HTR1F: variants seen among roughly 807,000 people sequenced by gnomAD.
The protein encoded by HTR1F is 5-hydroxytryptamine (serotonin) receptor 1F, G protein-coupled.
Under a neutral mutation model 24.0 loss-of-function variants are expected in HTR1F, and 17 were observed. That is an observed-to-expected ratio of 0.71 (90% CI 0.48 to 1.06). The LOEUF (loss-of-function observed/expected upper bound fraction) is 1.06, where lower values mean the gene tolerates loss of function less well. Among genes scored for constraint, HTR1F ranks in the 50% least tolerant of loss-of-function variants. The pLI is 0.00. For synonymous variants in HTR1F, 186 were observed against 156.8 expected, an observed-to-expected ratio of 1.19 and a Z score of -1.39; for missense variants, 391 against 427.8, an observed-to-expected ratio of 0.91 and a Z score of 0.76.
intron 2 of HTR1F, among the ~76,000 whole-genome samples, chr3:87,878,234 G>C (rs937905540): frequency 2.6e-5 from 4 of 152,122 alleles, no homozygotes; most frequent in Non-Finnish European, 5.9e-5. Context: ...CACAACTTCA[G>C]ACCATTTATG....
chr3:87,917,954 A>G (rs1703931784), intron 2 of HTR1F, among the ~76,000 whole-genome samples: 1 of 152,050 alleles, frequency 6.6e-6, no homozygotes, highest in Non-Finnish European at 1.5e-5. Flanking sequence ...TGATGAACGT[A>G]GATGCTAAAA....
chr3:87,930,892 C>T (rs1704247506), intron 2 of HTR1F, among the ~76,000 whole-genome samples: 1 of 152,110 alleles, frequency 6.6e-6, no homozygotes, highest in Non-Finnish European at 1.5e-5. Flanking sequence ...TTTACAAGAA[C>T]AGAATTATAT....
intron 2 of HTR1F, among the ~76,000 whole-genome samples, chr3:87,841,423 C>A (rs1704799991): frequency 6.6e-6 from 1 of 151,860 alleles, no homozygotes; most frequent in Admixed American, 6.6e-5. Context: ...CTTACGATTG[C>A]ATTATATGTT....
Position 87,961,588 on chromosome 3 carries a change from C to T in HTR1F, c.-42-29120C>T, listed in dbSNP as rs558680747. Among the ~76,000 whole-genome samples the T allele has an allele frequency of 3.3e-5, 5 of 151,584 alleles. No individual in the cohort carries two copies. In the South Asian group the frequency reaches 8.4e-4, roughly 25 times the overall value. ...ACCAGCCTGGGCAACATAGTGAGAC[C>T]CATCTCTATTCTAAATGAATGAATG... is the stretch of plus-strand genomic sequence containing the variant. On this transcript the variant is annotated intron_variant, in intron 2 of 2. Coordinates refer to ENST00000319595, the MANE Select transcript of HTR1F (RefSeq NM_001322209.2).
chr3:87,962,932 A>G (rs1461694797), intron 2 of HTR1F, among the ~76,000 whole-genome samples: 1 of 151,998 alleles, frequency 6.6e-6, no homozygotes. Context: ...GACAATAAAT[A>G]CCATTTTAAC....
chr3:87,933,731 C>A (rs1336722787), intron 2 of HTR1F, among the ~76,000 whole-genome samples: 1 of 152,140 alleles, frequency 6.6e-6, no homozygotes, highest in Non-Finnish European at 1.5e-5. Context: ...AAGAACATTC[C>A]ATGCTCATGG....
rs1336521580 is a variant in HTR1F at position 87,792,720 on chromosome 3, G to C, written c.-282G>C. Among the ~76,000 whole-genome samples the C allele has an allele frequency of 2.0e-5, 3 of 152,336 alleles. No homozygotes were observed. The highest frequency in any genetic ancestry group is 4.4e-5 in the Non-Finnish European group (3 of 68,030). On this transcript the variant is annotated 5_prime_UTR_variant, in exon 1 of 3. Coordinates refer to ENST00000319595, the MANE Select transcript of HTR1F (RefSeq NM_001322209.2). ...TTCCCCAGCGCGCAGTCAGCGTCGC[G>C]GCCCCGAAAGCTGGCGACAGGCGCT...
chr3:87,860,940 T>G (rs1406011617), intron 2 of HTR1F, among the ~76,000 whole-genome samples: 3 of 152,188 alleles, frequency 2.0e-5, no homozygotes, highest in African/African-American at 4.8e-5. Flanking sequence ...GCAGGTCACT[T>G]GAGGCCATGA....
chr3:87,980,109 A>G (rs1251749120), intron 2 of HTR1F, among the ~76,000 whole-genome samples: 4 of 152,172 alleles, frequency 2.6e-5, no homozygotes, highest in Admixed American at 6.5e-5. Flanking sequence ...CAGTTCTGCC[A>G]TTCAGTGGGT....
rs551645726 is a variant in HTR1F at position 87,834,327 on chromosome 3, G to A, written c.-43+12203G>A. 2.0e-4 allele frequency among the ~76,000 whole-genome samples: 31 copies of A among 151,926 alleles called. No homozygotes were observed. In the South Asian group the frequency reaches 2.7e-3, roughly 13 times the overall value. On this transcript the variant is annotated intron_variant, in intron 2 of 2. Coordinates refer to ENST00000319595, the MANE Select transcript of HTR1F (RefSeq NM_001322209.2). The stretch of plus-strand genomic sequence containing the variant: ...TATGTGTGTATATGTGTATATATGC[G>A]CACAAATACTCATATAAATACTCAT...
At chr3:87,897,274 A>C (rs1349107897) in intron 2 of HTR1F, among the ~76,000 whole-genome samples, 1 of 149,920 alleles carries the variant, frequency 6.7e-6, no homozygotes, top group Non-Finnish European at 1.5e-5. Flanking sequence ...AAAATGGAGA[A>C]GATTATACCA....
At chr3:87,943,548 G>C (rs1280556322) in intron 2 of HTR1F, among the ~76,000 whole-genome samples, 1 of 151,434 alleles carries the variant, frequency 6.6e-6, no homozygotes, top group East Asian at 2.0e-4. Context: ...GGACCATTTG[G>C]GTTGAAGGGG....
At chr3:87,857,904 C>G (rs1705230382) in intron 2 of HTR1F, among the ~76,000 whole-genome samples, 1 of 152,074 alleles carries the variant, frequency 6.6e-6, no homozygotes. Context: ...CTGCCTACGG[C>G]AAGATATGAT....
rs560196892 is a variant in HTR1F, at chr3:87,887,273, T to C, written c.-43+65149T>C. The stretch of plus-strand genomic sequence containing the variant: ...GTGCTGGGAAAACTGGCTAGCCATA[T>C]GTAGAAAGCTGAAACTGGATCCCTT... On this transcript the variant is annotated intron_variant, in intron 2 of 2. Transcript: ENST00000319595. Among the ~76,000 whole-genome samples, 556 of 152,274 alleles carry C rather than the reference T, an allele frequency of 3.7e-3. 2 individuals carry two copies. Among genetic ancestry groups the C allele is most frequent in the African/African-American group, 0.013 (520 of 41,546 alleles).
At chr3:87,882,160 A>G (rs1247149487) in intron 2 of HTR1F, among the ~76,000 whole-genome samples, 1 of 152,230 alleles carries the variant, frequency 6.6e-6, no homozygotes, top group Non-Finnish European at 1.5e-5. Flanking sequence ...CCACAATGAG[A>G]TATCATCTCA....
intron 2 of HTR1F, among the ~76,000 whole-genome samples, chr3:87,988,904 C>T (rs1022840898): frequency 7.2e-5 from 11 of 151,898 alleles, no homozygotes; most frequent in African/African-American, 2.7e-4. Context: ...TATACCTAAC[C>T]ACATTATATG....
Position 87,868,591 on chromosome 3 carries a change from A to G in HTR1F, c.-43+46467A>G, listed in dbSNP as rs1199123441. ...TATTATAAAATTTAGAAATTTTCAA[A>G]ACTTCAGGAAAAAATTAAAATATAT... On this transcript the variant is annotated intron_variant, in intron 2 of 2. Transcript: ENST00000319595. Among the ~76,000 whole-genome samples, 3 of 151,870 alleles carry G rather than the reference A, an allele frequency of 2.0e-5. No homozygotes were observed. The East Asian group carries it at 5.8e-4, about 29-fold the overall frequency.
intron 2 of HTR1F, among the ~76,000 whole-genome samples, chr3:87,910,945 C>T (rs1703765228): frequency 6.6e-6 from 1 of 151,914 alleles, no homozygotes; most frequent in Admixed American, 6.6e-5. Flanking sequence ...ATATAACATA[C>T]CACAATCTCT....
At chr3:87,815,673 G>T in intron 1 of HTR1F, among the ~76,000 whole-genome samples, 1 of 152,212 alleles carries the variant, frequency 6.6e-6, no homozygotes, top group South Asian at 2.1e-4. Flanking sequence ...GATGGAAAGT[G>T]TAAGTTCCTG....
Sources: gnomAD v4.1 joint callset for allele counts (sites outside exome capture counted in the v4.1 genomes callset) on GRCh38, gnomAD v4.1.1 for gene constraint, MANE v1.5 for transcripts, NCBI Gene and HGNC (gene_info 2026-07-23, HGNC 2026-07-21) for gene names.